The following LIN28B variants were observed in gnomAD, a reference collection of about 807,000 sequenced individuals.
LIN28B encodes protein lin-28 homolog B.
LIN28B carries 5 observed loss-of-function variants against 21.9 expected under a neutral mutation model. That is an observed-to-expected ratio of 0.23 (90% CI 0.12 to 0.48). The LOEUF (loss-of-function observed/expected upper bound fraction) is 0.48. LIN28B is among the 20% of genes least tolerant of loss of function. The pLI, the probability that LIN28B is intolerant of heterozygous loss-of-function variation, is 0.98. For synonymous variants in LIN28B, 109 were observed against 111.3 expected (o/e 0.98, Z 0.13); for missense variants, 245 against 310.5 (o/e 0.79, Z 1.58).
intron 2 of LIN28B, among the ~76,000 whole-genome samples, chr6:104,985,114 CTG>C (rs139401978): frequency 0.046 from 6,928 of 152,230 alleles, 182 homozygotes; most frequent in South Asian, 0.078. Context: ...CAGTGACAAA[CTG>C]TAGGGGAGGG....
At chr6:105,050,760 T>A (rs911198116) in intron 3 of LIN28B, among the ~76,000 whole-genome samples, 4 of 151,552 alleles carry the variant, frequency 2.6e-5, no homozygotes, top group African/African-American at 9.8e-5. Flanking sequence ...ATTTTTGTAT[T>A]ATCAGGACAA....
At chr6:105,036,817 T>C (rs1407748043) in intron 3 of LIN28B, among the ~76,000 whole-genome samples, 1 of 152,220 alleles carries the variant, frequency 6.6e-6, no homozygotes, top group African/African-American at 2.4e-5. Flanking sequence ...TAACTTAGCT[T>C]TCTTGCTTTA....
intron 2 of LIN28B, among the ~76,000 whole-genome samples, chr6:104,984,065 C>T (rs922407233): frequency 2.6e-5 from 4 of 152,152 alleles, no homozygotes; most frequent in Non-Finnish European, 4.4e-5. Context: ...GAAAATGTGG[C>T]TATAGTAACA....
chr6:105,056,016 C>G (rs1287294464), intron 3 of LIN28B, among the ~76,000 whole-genome samples: 2 of 151,278 alleles, frequency 1.3e-5, no homozygotes, highest in South Asian at 2.1e-4. Flanking sequence ...CCACCTTGGC[C>G]TCCCAAGGTG....
chr6:105,008,963 C>T (rs2114304849), intron 2 of LIN28B, among the ~76,000 whole-genome samples: 1 of 152,234 alleles, frequency 6.6e-6, no homozygotes, highest in African/African-American at 2.4e-5. Context: ...GTTATATGTT[C>T]ATTTGTTTAT....
intron 3 of LIN28B, among the ~76,000 whole-genome samples, chr6:105,032,009 C>T (rs1771435256): frequency 1.3e-5 from 2 of 152,112 alleles, no homozygotes; most frequent in African/African-American, 4.8e-5. Flanking sequence ...TTGTGAATGA[C>T]ATGTAAGTGG....
At chr6:105,032,072 A>G (rs1771436939) in intron 3 of LIN28B, among the ~76,000 whole-genome samples, 1 of 152,160 alleles carries the variant, frequency 6.6e-6, no homozygotes, top group South Asian at 2.1e-4. Context: ...CAGCATAATA[A>G]TCTTTGAAAT....
upstream of LIN28B, among the ~76,000 whole-genome samples, chr6:104,952,988 A>AC (rs1326963379): frequency 6.6e-6 from 1 of 152,196 alleles, no homozygotes; most frequent in African/African-American, 2.4e-5. Flanking sequence ...CTGCTGCAAG[A>AC]CCCAAGCACC....
chr6:105,075,016 C>T (rs1427990210), intron 3 of LIN28B, among the ~76,000 whole-genome samples: 1 of 152,194 alleles, frequency 6.6e-6, no homozygotes, highest in Non-Finnish European at 1.5e-5. Context: ...CCTATTTTAT[C>T]TTATTTGTAA....
chr6:105,052,833 G>A (rs1291717223), intron 3 of LIN28B, among the ~76,000 whole-genome samples: 1 of 151,652 alleles, frequency 6.6e-6, no homozygotes, highest in East Asian at 1.9e-4. Context: ...ATCCTTTCTA[G>A]CCAATTTTTG....
intron 2 of LIN28B, among the ~76,000 whole-genome samples, chr6:104,982,679 T>C (rs1217817412): frequency 6.6e-6 from 1 of 152,220 alleles, no homozygotes; most frequent in East Asian, 1.9e-4. Context: ...AGACAAGTAC[T>C]GGGAAATTAT....
chr6:105,046,915 TA>T (rs1261872837), intron 3 of LIN28B, among the ~76,000 whole-genome samples: 1 of 152,186 alleles, frequency 6.6e-6, no homozygotes, highest in Non-Finnish European at 1.5e-5. Context: ...TTCTGGATAT[TA>T]GCCCTTTGTC....
chr6:104,982,413 T>C (rs1318219316), intron 2 of LIN28B, among the ~76,000 whole-genome samples: 1 of 152,146 alleles, frequency 6.6e-6, no homozygotes, highest in Non-Finnish European at 1.5e-5. Context: ...GTTTTACAAA[T>C]AAATAGTTGT....
chr6:104,992,798 T>C (rs1467610402), intron 2 of LIN28B, among the ~76,000 whole-genome samples: 1 of 152,118 alleles, frequency 6.6e-6, no homozygotes, highest in East Asian at 1.9e-4. Context: ...GCATGAGCCA[T>C]TGTGTCTGGC....
intron 3 of LIN28B, among the ~76,000 whole-genome samples, chr6:105,036,021 A>C (rs1036557578): frequency 6.6e-6 from 1 of 152,184 alleles, no homozygotes; most frequent in Non-Finnish European, 1.5e-5. Context: ...AGGGAGAGAC[A>C]ATTTGTTCAT....
At chr6:105,057,253 C>T (rs1689197024) in intron 3 of LIN28B, among the ~76,000 whole-genome samples, 1 of 152,166 alleles carries the variant, frequency 6.6e-6, no homozygotes. Context: ...TTCCCCATCA[C>T]CTATTAAAGG....
chr6:104,955,592 T>G (rs1174500307), upstream of LIN28B, among the ~76,000 whole-genome samples: 1 of 152,082 alleles, frequency 6.6e-6, no homozygotes, highest in Admixed American at 6.6e-5. Context: ...TTTCCATAGC[T>G]CTTCGATTCA....
At chr6:105,010,588 C>T in intron 2 of LIN28B, among the ~76,000 whole-genome samples, 1 of 152,140 alleles carries the variant, frequency 6.6e-6, no homozygotes. Flanking sequence ...CTTTATATAA[C>T]TCTGCATCTA....
upstream of LIN28B, among the ~76,000 whole-genome samples, chr6:104,954,746 G>A (rs1778262721): frequency 6.6e-6 from 1 of 152,044 alleles, no homozygotes; most frequent in Non-Finnish European, 1.5e-5. Context: ...AATACTGGAG[G>A]CCCCCAATCA....
Sources: allele counts gnomAD v4.1 joint callset (sites outside exome capture counted in the v4.1 genomes callset), GRCh38; gene constraint gnomAD v4.1.1; transcripts MANE v1.5; gene names NCBI Gene and HGNC (gene_info 2026-07-23, HGNC 2026-07-21).